SREBF1: variants seen among roughly 807,000 people sequenced by gnomAD.
SREBF1 encodes sterol regulatory element-binding protein 1.
Under a neutral mutation model 100.1 loss-of-function variants are expected in SREBF1, and 45 were observed. The ratio of observed to expected loss-of-function variants is 0.45; its 90% CI spans 0.35 to 0.58. The LOEUF (loss-of-function observed/expected upper bound fraction) is 0.58, where lower values mean the gene tolerates loss of function less well. Among genes scored for constraint, SREBF1 ranks in the 20% least tolerant of loss-of-function variants. The pLI, the probability that SREBF1 is intolerant of heterozygous loss-of-function variation, is 0.00. For synonymous variants in SREBF1, 657 were observed against 681.8 expected, an observed-to-expected ratio of 0.96 and a Z score of 0.57; for missense variants, 1,324 against 1,539.4, an observed-to-expected ratio of 0.86 and a Z score of 2.34.
At chr17:17,836,370 T>C (rs1251994155) in intron 1 of SREBF1, among the ~76,000 whole-genome samples, 2 of 152,218 alleles carry the variant, frequency 1.3e-5, no homozygotes, top group Non-Finnish European at 2.9e-5. Context: ...GGGGCGGAGC[T>C]TCGGCGACGC....
chr17:17,812,946 T>A (rs901332781), intron 18 of SREBF1, 95 bp from the exon 19 acceptor site: 1 of 1,186,674 alleles, frequency 8.4e-7, no homozygotes, highest in African/African-American at 1.5e-5. Flanking sequence ...CAGCCGCCTG[T>A]ACCTGGCACA....
At chr17:17,827,886 A>G (rs4925116) in intron 1 of SREBF1, among the ~76,000 whole-genome samples, 85,379 of 152,028 alleles carry the variant, frequency 0.56, 25,031 homozygotes, top group Non-Finnish European at 0.63. Flanking sequence ...CAGAGTGCAA[A>G]GACAGAGAGG....
Position 17,824,206 on chromosome 17 carries a change from CG to C in SREBF1, c.92-3686del, listed in dbSNP as rs1368773248. On this transcript the variant is annotated intron_variant, in intron 1 of 18. Coordinates refer to ENST00000261646, the MANE Select transcript of SREBF1 (RefSeq NM_004176.5). The surrounding 1 kb of genome is among the most constrained non-coding windows in gnomAD (Gnocchi z 4.2). Reference sequence around the variant, plus strand: ...GCCAAGGGCTGCCGAGTGGCAGCTGCGGTGGGTGCAGGGACCTCCCCCTTCT... The same window carrying C: ...GCCAAGGGCTGCCGAGTGGCAGCTGCGTGGGTGCAGGGACCTCCCCCTTCT... Among the ~76,000 whole-genome samples, 1 of 152,204 alleles carries C rather than the reference CG, an allele frequency of 6.6e-6. No homozygotes were observed. The highest frequency in any genetic ancestry group is 1.5e-5 in the Non-Finnish European group (1 of 68,034).
intron 9 of SREBF1, 91 bp downstream of exon 9, chr17:17,816,867 G>T: frequency 6.3e-7 from 1 of 1,596,450 alleles, no homozygotes; most frequent in Non-Finnish European, 8.5e-7. Flanking sequence ...GATTCATGGT[G>T]TGCACAGGGA....
chr17:17,812,315 C>G lies in SREBF1; in HGVS notation c.*307G>C, dbSNP rs1567948788. 1 of 520,588 alleles carries G rather than the reference C, an allele frequency of 1.9e-6. No homozygotes were observed. The highest frequency in any genetic ancestry group is 3.4e-6 in the Non-Finnish European group (1 of 290,222). The allele number at this position is 520,588 out of a possible 1,614,324, so 32.2% of individuals were successfully genotyped here. A position where few individuals can be genotyped will look rare whatever the true frequency, so the allele number is the denominator to read the frequency against. On this transcript the variant is annotated 3_prime_UTR_variant, in exon 19 of 19. Coordinates refer to ENST00000261646, the MANE Select transcript of SREBF1 (RefSeq NM_004176.5). ...ACAGGGAAATGTACCCCTCTCTTCCCTGTACACAGGAGGAAAAAAGCCACT... is the reference window on the plus strand; with the variant it reads ...ACAGGGAAATGTACCCCTCTCTTCCGTGTACACAGGAGGAAAAAAGCCACT...
chr17:17,815,350 G>C (rs753588115), intron 12 of SREBF1, 21 bp from the exon 13 acceptor site: 1 of 1,599,520 alleles, frequency 6.3e-7, no homozygotes, highest in Non-Finnish European at 8.6e-7. Context: ...GAGGAGGTGA[G>C]TGGGGTGGGG....
At position 17,824,966 on chromosome 17, in the gene SREBF1, G is replaced by A. The variant is rs1306126877; in HGVS notation, c.92-4445C>T. Among the ~76,000 whole-genome samples the A allele has an allele frequency of 6.6e-6, 1 of 152,118 alleles. No homozygotes were observed. The highest frequency in any genetic ancestry group is 6.5e-5 in the Admixed American group (1 of 15,276). The stretch of plus-strand genomic sequence containing the variant: ...TGGCCCAACCCTCCCCTCAGCCCGC[G>A]GGTGTTCCCTCACCCCCAAAACAAA... On this transcript the variant is annotated intron_variant, in intron 1 of 18. Coordinates refer to ENST00000261646, the MANE Select transcript of SREBF1 (RefSeq NM_004176.5). The surrounding 1 kb of genome is among the most constrained non-coding windows in gnomAD (Gnocchi z 4.2).
intron 1 of SREBF1, among the ~76,000 whole-genome samples, chr17:17,831,501 A>G (rs2034857269): frequency 6.6e-6 from 1 of 152,114 alleles, no homozygotes; most frequent in Non-Finnish European, 1.5e-5. Flanking sequence ...ACAGACAAAG[A>G]GCAGACATGA....
rs2033526626 is a variant in SREBF1, at chr17:17,816,027, C to T, written c.2216G>A (p.Arg739His). The T allele has an allele frequency of 3.1e-6, 5 of 1,611,822 alleles. No individual in the cohort carries two copies. The highest frequency in any genetic ancestry group is 4.2e-6 in the Non-Finnish European group (5 of 1,179,454). ...CTGGCGGGCACTGCTCAGGAAGAAG[C>T]GCTGTAGGGGAGGGTACTGGGCTGT... ...SLPRALHFLTRFFLSSARQAC... is the reference protein window; with the variant it reads ...SLPRALHFLTHFFLSSARQAC... Residue 739 changes from arginine (R) to histidine (H), a missense_variant and splice_region_variant, in exon 12 of 19, where the codon CGC becomes CAC. Transcript: ENST00000261646.
intron 1 of SREBF1, among the ~76,000 whole-genome samples, chr17:17,830,726 C>A (rs1598139531): frequency 6.6e-6 from 1 of 152,346 alleles, no homozygotes; most frequent in East Asian, 1.9e-4. Context: ...AAGCCCCAAC[C>A]CAGCAGGGGA....
Position 17,811,687 on chromosome 17 carries a change from T to TGA in SREBF1, c.*933_*934dup. On this transcript the variant is annotated 3_prime_UTR_variant, in exon 19 of 19. Coordinates refer to ENST00000261646, the MANE Select transcript of SREBF1 (RefSeq NM_004176.5). ...TGACCAGGGGCCGGGATGGGGGAGGTGAGACGTGCCAGACTTCTTGCAGGG... is the reference window on the plus strand; with the variant it reads ...TGACCAGGGGCCGGGATGGGGGAGGTGAGAGACGTGCCAGACTTCTTGCAGGG... The TGA allele has an allele frequency of 2.2e-6, 1 of 450,326 alleles. No individual in the cohort carries two copies. The allele number at this position is 450,326 out of a possible 1,614,324, so 27.9% of individuals were successfully genotyped here.
Position 17,813,554 on chromosome 17 carries a change from C to A in SREBF1, c.3102+15G>T. On this transcript the variant is annotated intron_variant, in intron 17 of 18. Coordinates refer to ENST00000261646, the MANE Select transcript of SREBF1 (RefSeq NM_004176.5). ...CTGACTCCCCGTCTTGAGGACAGGG[C>A]CATCGGGCACTCACCCTCCGCATGG... 6.3e-7 allele frequency: 1 copy of A among 1,594,438 alleles called. No homozygotes were observed. Among genetic ancestry groups the A allele is most frequent in the East Asian group, 2.3e-5 (1 of 43,850 alleles).
chr17:17,836,468 G>A (rs1479147609), intron 1 of SREBF1, among the ~76,000 whole-genome samples: 4 of 152,194 alleles, frequency 2.6e-5, no homozygotes, highest in African/African-American at 9.6e-5. Context: ...AGAGGCGCAC[G>A]TGTCCCGGCC....
Position 17,813,720 on chromosome 17 carries a change from A to T in SREBF1, c.2951T>A (p.Leu984Gln). 1 of 1,535,960 alleles carries T rather than the reference A, an allele frequency of 6.5e-7. No individual in the cohort carries two copies. The highest frequency in any genetic ancestry group is 8.7e-7 in the Non-Finnish European group (1 of 1,147,026). The change falls in exon 17 of 19, where the codon CTG becomes CAG. Residue 984 changes from leucine (L) to glutamine (Q), a missense_variant. Transcript: ENST00000261646. ...GGCCGGGGGCTGCTGCTGCCGCCAC[A>T]GGCTGGTGCGCACCACAAGAAGCAG... ...CDLLLVVRTS[L>Q]WRQQQPPAPA...
In SREBF1 at chr17:17,819,306, C is replaced by T. The variant is rs1160938374; in HGVS notation, c.846+14G>A. ...GTAGACCCCACTCCCTTATGCCCTG[C>T]CCACGTCACCCACCGGCAAAGGCCC... On this transcript the variant is annotated intron_variant, in intron 4 of 18. Coordinates refer to ENST00000261646, the MANE Select transcript of SREBF1 (RefSeq NM_004176.5). 6.2e-7 allele frequency: 1 copy of T among 1,613,474 alleles called. No individual in the cohort carries two copies. Among genetic ancestry groups the T allele is most frequent in the Admixed American group, 1.7e-5 (1 of 60,004 alleles).
chr17:17,814,519 C>T, intron 15 of SREBF1, 96 bp downstream of exon 15: 1 of 1,535,828 alleles, frequency 6.5e-7, no homozygotes, highest in Non-Finnish European at 8.7e-7. Flanking sequence ...GTGGTGACTC[C>T]TCCTGCACAG....
In SREBF1 at chr17:17,819,096, T is replaced by C; in HGVS notation, c.985A>G (p.Asn329Asp). 1 of 1,614,174 alleles carries C rather than the reference T, an allele frequency of 6.2e-7. No homozygotes were observed. Among genetic ancestry groups the C allele is most frequent in the African/African-American group, 1.3e-5 (1 of 75,060 alleles). Residue 329 changes from asparagine to aspartate, a missense_variant, in exon 5 of 19, where the codon AAC becomes GAC. Physicochemically the swap from Asn to Asp is conservative, Grantham distance 23. Transcript: ENST00000261646. ...GAGCGGTAGCGCTTCTCAATGGCGT[T>C]GTGGGCTGTGCGCTTCTCTCCACGG... is the stretch of plus-strand genomic sequence containing the variant. ...QSRGEKRTAH[N>D]AIEKRYRSSI...
At position 17,816,592 on chromosome 17, in the gene SREBF1, G is replaced by A. The variant is rs200448526; in HGVS notation, c.1912C>T (p.Arg638Cys). The change falls in exon 10 of 19, where the codon CGT (arginine) becomes TGT (cysteine). Residue 638 changes from arginine to cysteine, a missense_variant. By Grantham distance (180) the Arg-to-Cys change is radical. Transcript: ENST00000261646. ...GCCAGCCAGCGGCCCACCCAGAGAC[G>A]CTGCAGCAGGTGACGGATGAGGTTC... is the stretch of plus-strand genomic sequence containing the variant. ...LWNLIRHLLQ[R>C]LWVGRWLAGR... 154 of 1,606,048 alleles carry A rather than the reference G, an allele frequency of 9.6e-5. No individual in the cohort carries two copies. The highest frequency in any genetic ancestry group is 5.4e-5 in the Non-Finnish European group (64 of 1,177,184).
Position 17,825,609 on chromosome 17 carries a change from T to C in SREBF1, c.92-5088A>G, listed in dbSNP as rs189694492. 1.9e-3 allele frequency among the ~76,000 whole-genome samples: 272 copies of C among 144,990 alleles called. 7 individuals carry two copies. The East Asian group carries it at 0.038, about 20-fold the overall frequency. On this transcript the variant is annotated intron_variant, in intron 1 of 18. Coordinates refer to ENST00000261646, the MANE Select transcript of SREBF1 (RefSeq NM_004176.5). ...CTGATCTACTGGCCAATTTCTTTTT[T>C]TTTTTTTTTTTTTTTTGAGACAGAG...
Sources: gnomAD v4.1 joint callset for allele counts (sites outside exome capture counted in the v4.1 genomes callset) on GRCh38, gnomAD v4.1.1 for gene constraint, Gnocchi (gnomAD v3.1) non-coding constraint, MANE v1.5 for transcripts, NCBI Gene and HGNC (gene_info 2026-07-23, HGNC 2026-07-21) for gene names.